GBF1: variants seen among roughly 807,000 people sequenced by gnomAD.
GBF1 encodes the protein Golgi-specific brefeldin A-resistance guanine nucleotide exchange factor 1.
In GBF1, 114 loss-of-function variants were observed where a neutral mutation model predicts 210.5. That is an observed-to-expected ratio of 0.54 (90% CI 0.47 to 0.63). The LOEUF (loss-of-function observed/expected upper bound fraction) is 0.63, where lower values mean the gene tolerates loss of function less well. Among genes scored for constraint, GBF1 ranks in the 30% least tolerant of loss-of-function variants. The pLI is 0.00. For synonymous variants in GBF1, 850 were observed against 889.2 expected (o/e 0.96, Z 0.78); for missense variants, 1,851 against 2,357.7 (o/e 0.79, Z 4.45).
chr10:102,308,420 G>A (rs559417273), intron 3 of GBF1, among the ~76,000 whole-genome samples: 112 of 152,084 alleles, frequency 7.4e-4, no homozygotes, highest in Non-Finnish European at 1.4e-3. Flanking sequence ...AAAGACACAC[G>A]CACACGTATG....
chr10:102,248,059 T>A (rs2071057957), intron 1 of GBF1, among the ~76,000 whole-genome samples: 1 of 152,172 alleles, frequency 6.6e-6, no homozygotes, highest in Admixed American at 6.5e-5. Flanking sequence ...GAGACTCTAT[T>A]TATAGAGTAC....
Position 102,351,342 on chromosome 10 carries a change from A to G in GBF1, c.382A>G (p.Ser128Gly). ...HARFVGTDPA[S>G]DEVVLMKILQ... ...TCGTTTTGTGGGCACGGATCCTGCC[A>G]GTGATGAAGTTGTCCTGATGAAAAT... Residue 128 changes from serine to glycine, a missense_variant, in exon 5 of 40, where the codon AGT becomes GGT. Ser to Gly is a moderately conservative substitution (Grantham distance 56). Coordinates refer to ENST00000369983, the MANE Select transcript of GBF1 (RefSeq NM_001377137.1). 6.2e-7 allele frequency: 1 copy of G among 1,603,532 alleles called. No homozygotes were observed. Among genetic ancestry groups the G allele is most frequent in the Non-Finnish European group, 8.5e-7 (1 of 1,170,326 alleles).
chr10:102,329,080 G>A (rs934435625), intron 3 of GBF1, among the ~76,000 whole-genome samples: 1 of 152,192 alleles, frequency 6.6e-6, no homozygotes, highest in African/African-American at 2.4e-5. Context: ...AGAGTGAAGG[G>A]CCACAGTAGC....
chr10:102,370,265 A>G lies in GBF1; in HGVS notation c.3411+20A>G, dbSNP rs745656085. On this transcript the variant is annotated intron_variant, in intron 27 of 39. Coordinates refer to ENST00000369983, the MANE Select transcript of GBF1 (RefSeq NM_001377137.1). ...ATGAAGGTAAAGGATGAAGAAAGGA[A>G]ACATGGAACAACTGGCTGAATCTGG... 3 of 1,556,812 alleles carry G rather than the reference A, an allele frequency of 1.9e-6. No individual in the cohort carries two copies. The highest frequency in any genetic ancestry group is 2.7e-6 in the Non-Finnish European group (3 of 1,127,806).
chr10:102,361,109 T>C lies in GBF1; in HGVS notation c.1480T>C (p.Phe494Leu), dbSNP rs759045875. ...TGAGAGCATGCGAGAGCACCTCAAG[T>C]TCCAAATGGAGGTGAGTTTCTTGAT... ...LFESMREHLK[F>L]QMEMYIKKLM... is the part of the protein sequence containing the mutation. Residue 494 changes from phenylalanine to leucine, a missense_variant, in exon 13 of 40, where the codon TTC becomes CTC. Coordinates refer to ENST00000369983, the MANE Select transcript of GBF1 (RefSeq NM_001377137.1). The C allele has an allele frequency of 6.4e-7, 1 of 1,570,880 alleles. No homozygotes were observed. Among genetic ancestry groups the C allele is most frequent in the Non-Finnish European group, 8.8e-7 (1 of 1,140,504 alleles).
chr10:102,381,007 T>C, intron 38 of GBF1, 120 bp from the exon 39 acceptor site: 1 of 935,740 alleles, frequency 1.1e-6, no homozygotes. Context: ...AAAAAAAAAG[T>C]CCCCAAAGCT....
chr10:102,316,780 G>C (rs190863585), intron 3 of GBF1, among the ~76,000 whole-genome samples: 1 of 152,222 alleles, frequency 6.6e-6, no homozygotes, highest in African/African-American at 2.4e-5. Flanking sequence ...TCTATAGTCT[G>C]TAAGCAAGAC....
intron 38 of GBF1, among the ~76,000 whole-genome samples, 170 bp from the exon 39 acceptor site, chr10:102,380,957 G>A (rs1209586411): frequency 3.3e-5 from 5 of 152,006 alleles, no homozygotes; most frequent in African/African-American, 1.2e-4. Context: ...GCAGTGAGCC[G>A]AGATCACAGC....
chr10:102,361,750 T>C lies in GBF1; in HGVS notation c.1524T>C (p.Thr508=). 2 of 1,609,944 alleles carry C rather than the reference T, an allele frequency of 1.2e-6. No individual in the cohort carries two copies. The highest frequency in any genetic ancestry group is 1.7e-6 in the Non-Finnish European group (2 of 1,178,340). ...MYIKKLMEII[T]VENPKMPYEM... is the part of the protein sequence containing the mutation. Reference sequence around the variant, plus strand: ...TCAAAAAGCTTATGGAGATCATCACTGTGGAGAACCCCAAGATGCCTTATG... The same window carrying C: ...TCAAAAAGCTTATGGAGATCATCACCGTGGAGAACCCCAAGATGCCTTATG... The change falls in exon 14 of 40, where the codon ACT becomes ACC. Residue 508 remains threonine, a synonymous_variant. Transcript: ENST00000369983.
intron 5 of GBF1, 63 bp downstream of exon 5, chr10:102,351,437 A>C: frequency 1.1e-6 from 1 of 898,954 alleles, no homozygotes; most frequent in South Asian, 1.3e-5. Context: ...GACTCTACTT[A>C]CTCTGCCCAC....
intron 3 of GBF1, among the ~76,000 whole-genome samples, chr10:102,293,178 A>G (rs960964833): frequency 1.3e-5 from 2 of 152,176 alleles, no homozygotes; most frequent in Non-Finnish European, 2.9e-5. Flanking sequence ...TTCGGTTAAC[A>G]ATGGACCCCA....
At chr10:102,364,371 T>A (rs558157190) in intron 17 of GBF1, among the ~76,000 whole-genome samples, 1 of 150,966 alleles carries the variant, frequency 6.6e-6, no homozygotes, top group Non-Finnish European at 1.5e-5. Context: ...ACTACAGGCG[T>A]GTGCCACCAT....
chr10:102,348,856 G>T (rs2058748713), intron 4 of GBF1, among the ~76,000 whole-genome samples: 1 of 152,158 alleles, frequency 6.6e-6, no homozygotes, highest in Admixed American at 6.5e-5. Flanking sequence ...CATTGCAAGA[G>T]AAATGTTTGG....
In GBF1 at chr10:102,260,063, A is replaced by T; in HGVS notation, c.110A>T (p.Asp37Val). 6.3e-7 allele frequency: 1 copy of T among 1,589,154 alleles called. No individual in the cohort carries two copies. Among genetic ancestry groups the T allele is most frequent in the Non-Finnish European group, 8.6e-7 (1 of 1,157,760 alleles). ...TGTGTTCTACAGGATGAAGAACGGG[A>T]TCCTCTGCTGCATAGTTTCGGTCAT... is the stretch of plus-strand genomic sequence containing the variant. ...STHTPLDEERDPLLHSFGHLK... is the reference protein window; with the variant it reads ...STHTPLDEERVPLLHSFGHLK... Residue 37 changes from aspartate (D) to valine (V), a missense_variant, in exon 3 of 40, where the codon GAT (aspartate) becomes GTT (valine). Coordinates refer to ENST00000369983, the MANE Select transcript of GBF1 (RefSeq NM_001377137.1).
At chr10:102,339,621 G>A (rs1365542293) in intron 3 of GBF1, among the ~76,000 whole-genome samples, 3 of 142,972 alleles carry the variant, frequency 2.1e-5, no homozygotes, top group East Asian at 2.1e-4. Context: ...AGCCAAGATC[G>A]AGCCACTGCA....
intron 28 of GBF1, 99 bp downstream of exon 28, chr10:102,370,577 A>G (rs2060151358): frequency 5.4e-6 from 7 of 1,295,156 alleles, no homozygotes; most frequent in Non-Finnish European, 1.1e-6. Context: ...TGTAGGCAGC[A>G]GGGGAGAAGC....
chr10:102,367,334 G>A, intron 20 of GBF1, 124 bp downstream of exon 20: 1 of 1,232,242 alleles, frequency 8.1e-7, no homozygotes, highest in Non-Finnish European at 1.2e-6. Flanking sequence ...GGAAGGGCTG[G>A]CCAACCTAGA....
At chr10:102,275,712 C>T (rs543064091) in intron 3 of GBF1, among the ~76,000 whole-genome samples, 1 of 152,128 alleles carries the variant, frequency 6.6e-6, no homozygotes, top group Non-Finnish European at 1.5e-5. Context: ...TTATTTAATA[C>T]CTACTATAGC....
chr10:102,361,269 C>A, intron 13 of GBF1, 149 bp downstream of exon 13: 1 of 612,864 alleles, frequency 1.6e-6, no homozygotes, highest in Non-Finnish European at 2.9e-6. Flanking sequence ...TCGGTTCAAT[C>A]AACTGGCCTC....
Sources: allele counts gnomAD v4.1 joint callset (sites outside exome capture counted in the v4.1 genomes callset), GRCh38; gene constraint gnomAD v4.1.1; transcripts MANE v1.5; gene names NCBI Gene and HGNC (gene_info 2026-07-23, HGNC 2026-07-21).